Variants in MRPS27 observed in about 807,000 individuals in gnomAD.
MRPS27 encodes mitochondrial ribosomal protein S27, also known as small ribosomal subunit protein mS27.
A neutral mutation model predicts 48.9 loss-of-function variants in MRPS27; 43 were observed. The observed-to-expected ratio is 0.88, with a 90% CI of 0.69 to 1.13. MRPS27 has a LOEUF of 1.13. Among genes scored for constraint, MRPS27 ranks in the 50% most tolerant of loss-of-function variants. The pLI is 0.00. For synonymous variants in MRPS27, 188 were observed against 171.9 expected (o/e 1.09, Z -0.73); for missense variants, 467 against 476.3 (o/e 0.98, Z 0.18).
chr5:72,238,909 C>T (rs145687019), intron 4 of MRPS27, among the ~76,000 whole-genome samples: 1 of 152,254 alleles, frequency 6.6e-6, no homozygotes, highest in Non-Finnish European at 1.5e-5. Flanking sequence ...CTGCTACTCC[C>T]GGTTCCTGGG....
chr5:72,295,964 T>C (rs1264479386), intron 3 of MRPS27, among the ~76,000 whole-genome samples: 1 of 152,168 alleles, frequency 6.6e-6, no homozygotes, highest in Non-Finnish European at 1.5e-5. Flanking sequence ...CATGGGAACA[T>C]ATGGCTGAAA....
chr5:72,267,403 TC>T (rs1749131711), intron 4 of MRPS27, among the ~76,000 whole-genome samples: 1 of 152,206 alleles, frequency 6.6e-6, no homozygotes, highest in Non-Finnish European at 1.5e-5. Context: ...AGTCCATTGT[TC>T]ATTCAACAAA....
intron 4 of MRPS27, among the ~76,000 whole-genome samples, chr5:72,265,059 G>A (rs1749075899): frequency 6.6e-6 from 1 of 152,210 alleles, no homozygotes; most frequent in Admixed American, 6.5e-5. Context: ...GCAGCAACAA[G>A]ATTTCAAGAA....
At chr5:72,258,668 C>T (rs998921262) in intron 4 of MRPS27, among the ~76,000 whole-genome samples, 2 of 152,140 alleles carry the variant, frequency 1.3e-5, no homozygotes, top group African/African-American at 4.8e-5. Context: ...TAGAACATGG[C>T]AATCAAGGTG....
Position 72,285,554 on chromosome 5 carries a change from G to A in MRPS27, c.281+9977C>T, listed in dbSNP as rs115977861. ...GTCTTGCTCTAGTACTCAGGCTGGA[G>A]TGCAGTGGCTCGATCATAGCTCATT... On this transcript the variant is annotated intron_variant, in intron 4 of 10. Transcript: ENST00000261413. Among the ~76,000 whole-genome samples the A allele has an allele frequency of 3.7e-3, 568 of 152,260 alleles. 1 individual carries two copies. The highest frequency in any genetic ancestry group is 0.013 in the African/African-American group (552 of 41,546).
At chr5:72,257,236 G>A (rs947323857) in intron 4 of MRPS27, among the ~76,000 whole-genome samples, 1 of 152,102 alleles carries the variant, frequency 6.6e-6, no homozygotes, top group Non-Finnish European at 1.5e-5. Flanking sequence ...TTCCTTCTCT[G>A]TTATCGTTTC....
chr5:72,248,813 A>G (rs1748579872), intron 4 of MRPS27, among the ~76,000 whole-genome samples: 1 of 152,038 alleles, frequency 6.6e-6, no homozygotes, highest in Admixed American at 6.5e-5. Flanking sequence ...ATCCACAGAC[A>G]CAGGGAGCAT....
At chr5:72,299,552 TA>T (rs1260333988) in intron 2 of MRPS27, among the ~76,000 whole-genome samples, 5 of 152,364 alleles carry the variant, frequency 3.3e-5, no homozygotes, top group African/African-American at 1.2e-4. Flanking sequence ...TCAAAACATT[TA>T]AAAATTGAAA....
intron 4 of MRPS27, among the ~76,000 whole-genome samples, chr5:72,288,507 G>A (rs1437069481): frequency 6.6e-6 from 1 of 152,220 alleles, no homozygotes; most frequent in East Asian, 1.9e-4. Context: ...ACTGCGCCCG[G>A]CCATGGAGGC....
intron 4 of MRPS27, among the ~76,000 whole-genome samples, chr5:72,262,672 G>T (rs916351373): frequency 6.6e-6 from 1 of 152,170 alleles, no homozygotes; most frequent in Non-Finnish European, 1.5e-5. Context: ...AAAAAAGGGG[G>T]AGAGAGTTCC....
At chr5:72,311,555 C>G (rs555986571) in intron 2 of MRPS27, among the ~76,000 whole-genome samples, 2 of 152,084 alleles carry the variant, frequency 1.3e-5, no homozygotes, top group Admixed American at 1.3e-4. Context: ...TGGGTTATCA[C>G]GGAAGTGGGA....
intron 4 of MRPS27, among the ~76,000 whole-genome samples, chr5:72,282,904 G>A (rs1244582156): frequency 6.6e-6 from 1 of 152,122 alleles, no homozygotes; most frequent in Admixed American, 6.6e-5. Flanking sequence ...ACATCTATTA[G>A]TTTTTCTCTT....
rs148454211 is a variant in MRPS27, at chr5:72,284,617, G to A, written c.281+10914C>T. Among the ~76,000 whole-genome samples the A allele has an allele frequency of 6.7e-3, 1,014 of 152,042 alleles. 9 individuals carry two copies. Among genetic ancestry groups the A allele is most frequent in the African/African-American group, 0.021 (871 of 41,450 alleles). On this transcript the variant is annotated intron_variant, in intron 4 of 10. Transcript: ENST00000261413. ...GACAATTCAATGAGAAGTCATCCAG[G>A]TTTCTTCCCTAAAAGAAACCAATGT...
intron 2 of MRPS27, 77 bp downstream of exon 2, chr5:72,314,004 T>C: frequency 3.9e-6 from 4 of 1,027,118 alleles, no homozygotes; most frequent in Non-Finnish European, 5.9e-6. Flanking sequence ...ATTTCATATA[T>C]ACGTTATATG....
At chr5:72,294,150 T>C (rs901824740) in intron 4 of MRPS27, among the ~76,000 whole-genome samples, 2 of 151,654 alleles carry the variant, frequency 1.3e-5, no homozygotes, top group Non-Finnish European at 2.9e-5. Flanking sequence ...TACATTTAAA[T>C]AGAAAATACC....
chr5:72,247,857 G>A (rs1425114741), intron 4 of MRPS27, among the ~76,000 whole-genome samples: 2 of 152,188 alleles, frequency 1.3e-5, no homozygotes, highest in African/African-American at 4.8e-5. Flanking sequence ...AAAAAGGGGA[G>A]TAGGATAGGG....
intron 5 of MRPS27, among the ~76,000 whole-genome samples, chr5:72,235,824 G>C (rs1374035526): frequency 6.6e-6 from 1 of 152,160 alleles, no homozygotes; most frequent in Non-Finnish European, 1.5e-5. Context: ...GCAGGCACCA[G>C]AGGAATCTGA....
chr5:72,311,653 A>C (rs1750443501), intron 2 of MRPS27, among the ~76,000 whole-genome samples: 1 of 152,158 alleles, frequency 6.6e-6, no homozygotes. Context: ...CAGGACTCTG[A>C]ATAGTCCTCA....
intron 4 of MRPS27, among the ~76,000 whole-genome samples, chr5:72,265,794 G>A (rs566512934): frequency 2.0e-5 from 3 of 152,274 alleles, no homozygotes; most frequent in Admixed American, 2.0e-4. Flanking sequence ...TAAAACACAA[G>A]GAATGTTGAC....
Sources: allele counts gnomAD v4.1 joint callset (sites outside exome capture counted in the v4.1 genomes callset), GRCh38; gene constraint gnomAD v4.1.1; transcripts MANE v1.5; gene names NCBI Gene and HGNC (gene_info 2026-07-23, HGNC 2026-07-21).